The following PLXNB2 variants were observed in gnomAD, a reference collection of about 807,000 sequenced individuals.
PLXNB2 encodes the protein plexin B2.
PLXNB2 carries 85 observed loss-of-function variants against 202.6 expected under a neutral mutation model. The observed-to-expected ratio is 0.42, with a 90% CI of 0.35 to 0.50. The LOEUF (loss-of-function observed/expected upper bound fraction) is 0.50, where lower values mean the gene tolerates loss of function less well. Among genes scored for constraint, PLXNB2 ranks in the 20% least tolerant of loss-of-function variants. The pLI, the probability that PLXNB2 is intolerant of heterozygous loss-of-function variation, is 0.02. For synonymous variants in PLXNB2, 1,239 were observed against 1,137.6 expected (o/e 1.09, Z -1.79); for missense variants, 2,063 against 2,586.2 (o/e 0.80, Z 4.39).
At chr22:50,285,961 CAG>C in intron 10 of PLXNB2, 27 bp downstream of exon 10, 1 of 1,607,892 alleles carries the variant, frequency 6.2e-7, no homozygotes, top group South Asian at 1.1e-5. Context: ...ATGCCCTGAA[CAG>C]TCCCCTGAGG....
At chr22:50,279,120 G>C in intron 27 of PLXNB2, 109 bp from the exon 28 acceptor site, 1 of 1,170,090 alleles carries the variant, frequency 8.5e-7, no homozygotes, top group East Asian at 2.5e-5. Context: ...GGCACCCTTG[G>C]GCAGCAGGCC....
intron 27 of PLXNB2, among the ~76,000 whole-genome samples, chr22:50,279,237 C>A (rs898235205): frequency 6.6e-6 from 1 of 152,324 alleles, no homozygotes. Flanking sequence ...CGGCTCAGAA[C>A]CGCTCACTCA....
At chr22:50,279,531 C>CG in intron 27 of PLXNB2, 99 bp downstream of exon 27, 1 of 1,161,712 alleles carries the variant, frequency 8.6e-7, no homozygotes, top group East Asian at 2.4e-5. Flanking sequence ...AGGAGGTGGA[C>CG]GGCCTCTGGC....
chr22:50,275,602 G>C lies in PLXNB2; in HGVS notation c.*102C>G, dbSNP rs1018493432. 2 of 798,088 alleles carry C rather than the reference G, an allele frequency of 2.5e-6. No homozygotes were observed. The highest frequency in any genetic ancestry group is 3.5e-5 in the African/African-American group (2 of 57,748). 49.4% of individuals were successfully genotyped at this position (798,088 alleles called of 1,614,324 possible). A position where few individuals can be genotyped will look rare whatever the true frequency, so the allele number is the denominator to read the frequency against. ...CACTCCGGCTTGGGGCGCGTTCCAG[G>C]GGAGGGTGGGGGCCTCAGCCACAGC... On this transcript the variant is annotated 3_prime_UTR_variant, in exon 37 of 37. Transcript: ENST00000359337.
At chr22:50,292,021 C>T (rs1003477458) in intron 2 of PLXNB2, among the ~76,000 whole-genome samples, 6 of 152,224 alleles carry the variant, frequency 3.9e-5, no homozygotes, top group Admixed American at 3.9e-4. Context: ...CCCCTCGAAA[C>T]GCAATCCGCT....
In PLXNB2 at chr22:50,275,870, C is replaced by A; in HGVS notation, c.5412+19G>T. On this transcript the variant is annotated intron_variant, in intron 36 of 36. Transcript: ENST00000359337. Reference sequence around the variant, plus strand: ...GCCCAGCACCCCACCTGCCCCCGCCCCCGGGGGCCTGACCCTACCTCGTCA... The same window carrying A: ...GCCCAGCACCCCACCTGCCCCCGCCACCGGGGGCCTGACCCTACCTCGTCA... 1 of 1,610,600 alleles carries A rather than the reference C, an allele frequency of 6.2e-7. No homozygotes were observed. Among genetic ancestry groups the A allele is most frequent in the Non-Finnish European group, 8.5e-7 (1 of 1,178,140 alleles).
In PLXNB2 at chr22:50,283,118, G is replaced by A. The variant is rs773692757; in HGVS notation, c.2748C>T (p.His916=). Residue 916 remains histidine, a synonymous_variant, in exon 17 of 37, where the codon CAC becomes CAT. Coordinates refer to ENST00000359337, the MANE Select transcript of PLXNB2 (RefSeq NM_012401.4). The part of the protein sequence containing the change: ...PQAGGTTLTI[H]GTHLDTGSQE... ...GGGAGCCCGTGTCCAGGTGGGTGCC[G>A]TGGATGGTCAGTGTGGTGCCGCCCG... 16 of 1,602,098 alleles carry A rather than the reference G, an allele frequency of 1.0e-5. No homozygotes were observed. The highest frequency in any genetic ancestry group is 6.7e-5 in the African/African-American group (5 of 74,738).
At chr22:50,300,992 C>T (rs1190624304) in intron 1 of PLXNB2, among the ~76,000 whole-genome samples, 1 of 152,340 alleles carries the variant, frequency 6.6e-6, no homozygotes, top group African/African-American at 2.4e-5. Flanking sequence ...GCCCCAGCCC[C>T]CTCTCCGCCT....
In PLXNB2 at chr22:50,283,186, G is replaced by A; in HGVS notation, c.2680C>T (p.Gln894Ter). ...GGCTCCACACTGAGAGGCTTGGGCTGCTGAAAGAGCCGCAGGGGCACTCGG... is the reference window on the plus strand; with the variant it reads ...GGCTCCACACTGAGAGGCTTGGGCTACTGAAAGAGCCGCAGGGGCACTCGG... ...SPPNVQFTFQQPKPLSVEPQQ... is the reference protein window; with the variant it reads ...SPPNVQFTFQ The change falls in exon 17 of 37, where the codon CAG (glutamine) becomes TAG (stop). Residue 894 changes from glutamine (Q) to a stop codon, truncating the protein, a stop_gained and splice_region_variant. Coordinates refer to ENST00000359337, the MANE Select transcript of PLXNB2 (RefSeq NM_012401.4). LOFTEE classifies it high-confidence loss of function. 6.3e-7 allele frequency: 1 copy of A among 1,598,326 alleles called. No individual in the cohort carries two copies. The highest frequency in any genetic ancestry group is 1.7e-5 in the Admixed American group (1 of 57,694).
At position 50,283,591 on chromosome 22, in the gene PLXNB2, C is replaced by T. The variant is rs201922611; in HGVS notation, c.2570+11G>A. On this transcript the variant is annotated intron_variant, in intron 15 of 36. Coordinates refer to ENST00000359337, the MANE Select transcript of PLXNB2 (RefSeq NM_012401.4). ...CAGCTGACAGGGCCCAGACCAGGGC[C>T]GTCCACTCACCGGGTGGACACGGAG... is the stretch of plus-strand genomic sequence containing the variant. 4.5e-5 allele frequency: 72 copies of T among 1,612,054 alleles called. No homozygotes were observed. Among genetic ancestry groups the T allele is most frequent in the Middle Eastern group, 1.7e-4 (1 of 6,052 alleles).
chr22:50,297,229 T>G lies in PLXNB2; in HGVS notation c.-73-2451A>C, dbSNP rs1032253958. On this transcript the variant is annotated intron_variant, in intron 1 of 36. Transcript: ENST00000359337. The surrounding 1 kb of genome is among the most constrained non-coding windows in gnomAD (Gnocchi z 5.3). ...ACGCCACACCGGCCTGTGTGCCCCA[T>G]GCCCACTCCCTGCAGCACACCCCCA... Among the ~76,000 whole-genome samples the G allele has an allele frequency of 1.3e-5, 2 of 152,064 alleles. No homozygotes were observed. Among genetic ancestry groups the G allele is most frequent in the Non-Finnish European group, 2.9e-5 (2 of 67,994 alleles).
intron 1 of PLXNB2, among the ~76,000 whole-genome samples, chr22:50,302,081 G>A (rs2067720466): frequency 6.6e-6 from 1 of 152,268 alleles, no homozygotes; most frequent in South Asian, 2.1e-4. Flanking sequence ...GCTGCCTGGA[G>A]CCCCGAGGGA....
Position 50,289,353 on chromosome 22 carries a change from G to A in PLXNB2, c.1068+164C>T, listed in dbSNP as rs62241207. On this transcript the variant is annotated intron_variant, in intron 3 of 36. Transcript: ENST00000359337. The surrounding 1 kb of genome is among the most constrained non-coding windows in gnomAD (Gnocchi z 8.0). ...ACACAGGCCTGGGACTGGCGCCAGC[G>A]TGAATGGCATTGAGAGATGCGGCAC... Among the ~76,000 whole-genome samples, 3,506 of 152,284 alleles carry A rather than the reference G, an allele frequency of 0.023. 62 individuals carry two copies. The highest frequency in any genetic ancestry group is 0.038 in the Non-Finnish European group (2,565 of 68,004).
In PLXNB2 at chr22:50,280,814, C is replaced by T. The variant is rs746941566; in HGVS notation, c.3923G>A (p.Arg1308Gln). ...ITGKLDIPEP[R>Q]RPVVEQALYQ... ...GAGGGCCTGCTCCACCACCGGCCGC[C>T]GCGGCTCAGGGATGTCCAGCTTGCC... Residue 1308 changes from arginine (R) to glutamine (Q), a missense_variant, in exon 24 of 37, where the codon CGG becomes CAG. Arg to Gln is a conservative substitution (Grantham distance 43). This residue lies in a region of PLXNB2 where 760 missense variants were observed against 1,109.4 expected (regional missense o/e 0.69). Transcript: ENST00000359337. The T allele has an allele frequency of 6.2e-6, 10 of 1,613,192 alleles. No individual in the cohort carries two copies. Among genetic ancestry groups the T allele is most frequent in the East Asian group, 4.5e-5 (2 of 44,886 alleles).
At chr22:50,295,327 A>G (rs1422571760) in intron 1 of PLXNB2, among the ~76,000 whole-genome samples, 1 of 148,346 alleles carries the variant, frequency 6.7e-6, no homozygotes, top group Non-Finnish European at 1.5e-5. Context: ...AAAAAAAAAA[A>G]GTTGCTTTCT....
intron 1 of PLXNB2, chr22:50,301,524 G>A (rs542239805): frequency 2.4e-6 from 1 of 418,748 alleles, no homozygotes; most frequent in East Asian, 1.6e-4. Flanking sequence ...CAGTCACTTG[G>A]AGTCTCTCCT....
At chr22:50,276,340 G>C in intron 35 of PLXNB2, among the ~76,000 whole-genome samples, 1 of 150,118 alleles carries the variant, frequency 6.7e-6, no homozygotes, top group Non-Finnish European at 1.5e-5. Context: ...GGGGCGCTGT[G>C]GGCACGGCCG....
chr22:50,293,866 C>T (rs565435246), intron 2 of PLXNB2, among the ~76,000 whole-genome samples: 1 of 152,246 alleles, frequency 6.6e-6, no homozygotes, highest in East Asian at 1.9e-4. Flanking sequence ...GGCTGGCACA[C>T]CCTAAGTGCT....
In PLXNB2 at chr22:50,284,472, G is replaced by T; in HGVS notation, c.2181+101C>A. The T allele has an allele frequency of 1.1e-6, 1 of 923,548 alleles. No individual in the cohort carries two copies. The highest frequency in any genetic ancestry group is 1.7e-6 in the Non-Finnish European group (1 of 591,598). The allele number at this position is 923,548 out of a possible 1,614,324, so 57.2% of individuals were successfully genotyped here. On this transcript the variant is annotated intron_variant, in intron 12 of 36. Transcript: ENST00000359337. The surrounding 1 kb of genome is among the most constrained non-coding windows in gnomAD (Gnocchi z 8.0). ...CCCTGGCTGGGCTCTGGTCCCTGGG[G>T]TCTCCCTGCTGCCCCTCCCCTCACA...
Sources: gnomAD v4.1 joint callset for allele counts (sites outside exome capture counted in the v4.1 genomes callset) on GRCh38, gnomAD v4.1.1 for gene constraint, gnomAD v4.1.1 regional missense constraint, Gnocchi (gnomAD v3.1) non-coding constraint, MANE v1.5 for transcripts, NCBI Gene and HGNC (gene_info 2026-07-23, HGNC 2026-07-21) for gene names.